The following RGS7 variants were observed in gnomAD, a reference collection of about 807,000 sequenced individuals.
RGS7 encodes regulator of G protein signaling 7.
A neutral mutation model predicts 81.1 loss-of-function variants in RGS7; 27 were observed. That is an observed-to-expected ratio of 0.33 (90% CI 0.25 to 0.46). RGS7 has a LOEUF of 0.46. Ranked by LOEUF, RGS7 falls within the 20% of genes least tolerant of loss-of-function variation. The pLI is 1.00. For missense variants in RGS7, 396 were observed against 607.4 expected (o/e 0.65, Z 3.66); for synonymous variants, 208 against 207.7 (o/e 1.00, Z -0.01).
chr1:240,853,038 T>A (rs965397754), intron 9 of RGS7, among the ~76,000 whole-genome samples: 47 of 152,234 alleles, frequency 3.1e-4, no homozygotes, highest in African/African-American at 1.1e-3. Context: ...ATTACATAAA[T>A]CTTTTCAAGT....
At chr1:241,196,948 A>AC (rs2073117664) in intron 2 of RGS7, among the ~76,000 whole-genome samples, 1 of 150,822 alleles carries the variant, frequency 6.6e-6, no homozygotes, top group African/African-American at 2.4e-5. Flanking sequence ...AGTACTGGGG[A>AC]GAAAGGGAAA....
chr1:240,994,952 A>C (rs1687047997), intron 3 of RGS7, among the ~76,000 whole-genome samples: 2 of 152,242 alleles, frequency 1.3e-5, no homozygotes, highest in Admixed American at 1.3e-4. Context: ...CTGAGATTAA[A>C]GGCATGAACC....
At chr1:240,981,628 T>C (rs1684935329) in intron 4 of RGS7, among the ~76,000 whole-genome samples, 1 of 152,156 alleles carries the variant, frequency 6.6e-6, no homozygotes, top group African/African-American at 2.4e-5. Context: ...TCCCTTCCTA[T>C]TAATTATCTC....
chr1:241,218,892 T>A (rs1182810498), intron 2 of RGS7, among the ~76,000 whole-genome samples: 1 of 152,092 alleles, frequency 6.6e-6, no homozygotes, highest in African/African-American at 2.4e-5. Context: ...TTAGAATGTT[T>A]AACAAGTTTT....
At chr1:240,825,572 C>T (rs996436438) in intron 10 of RGS7, among the ~76,000 whole-genome samples, 38 of 152,090 alleles carry the variant, frequency 2.5e-4, no homozygotes, top group African/African-American at 9.2e-4. Flanking sequence ...GGAGTGAGGC[C>T]CTGTCATTCT....
At chr1:241,000,100 T>C (rs1687910440) in intron 3 of RGS7, among the ~76,000 whole-genome samples, 1 of 152,108 alleles carries the variant, frequency 6.6e-6, no homozygotes, top group South Asian at 2.1e-4. Context: ...GTCTCGATGC[T>C]CCCTTAGGCT....
intron 2 of RGS7, among the ~76,000 whole-genome samples, chr1:241,234,879 T>C (rs1046078041): frequency 3.9e-5 from 6 of 152,290 alleles, no homozygotes; most frequent in Admixed American, 3.3e-4. Context: ...AAAAAAAGCT[T>C]TATGGAATAT....
At position 241,165,788 on chromosome 1, in the gene RGS7, A is replaced by AT. The variant is rs1486696515; in HGVS notation, c.79-67027_79-67026insA. On this transcript the variant is annotated intron_variant, in intron 2 of 18. Transcript: ENST00000440928. Reference sequence around the variant, plus strand: ...TAAAACTTAAAGTATAATAATAATAAAAAAAAAAAAAAACCAGCCCTGAAA... The same window carrying AT: ...TAAAACTTAAAGTATAATAATAATAATAAAAAAAAAAAAACCAGCCCTGAAA... 5.3e-5 allele frequency among the ~76,000 whole-genome samples: 8 copies of AT among 150,588 alleles called. No homozygotes were observed. In the East Asian group the frequency reaches 7.8e-4, roughly 15 times the overall value.
chr1:241,180,744 C>T (rs1042842009), intron 2 of RGS7, among the ~76,000 whole-genome samples: 1 of 152,224 alleles, frequency 6.6e-6, no homozygotes, highest in Non-Finnish European at 1.5e-5. Context: ...ACTCCTGACT[C>T]TGCTGTGAAT....
intron 2 of RGS7, 137 bp downstream of exon 2, chr1:241,355,562 C>T (rs1264854776): frequency 1.3e-6 from 1 of 794,704 alleles, no homozygotes; most frequent in Non-Finnish European, 2.2e-6. Context: ...ATCACTTTCA[C>T]GTATATAGTA....
intron 18 of RGS7, among the ~76,000 whole-genome samples, chr1:240,788,525 G>A: frequency 6.6e-6 from 1 of 152,188 alleles, no homozygotes; most frequent in East Asian, 1.9e-4. Flanking sequence ...GAAAACACTT[G>A]AATTGGATCC....
chr1:241,347,528 TAAATCC>T (rs2082975805), intron 2 of RGS7, among the ~76,000 whole-genome samples: 6 of 152,202 alleles, frequency 3.9e-5, no homozygotes, highest in Admixed American at 3.9e-4. Flanking sequence ...CTAAACACTT[TAAATCC>T]CTTTTACCCA....
chr1:241,233,886 T>C (rs554499142), intron 2 of RGS7, among the ~76,000 whole-genome samples: 1 of 151,968 alleles, frequency 6.6e-6, no homozygotes, highest in East Asian at 1.9e-4. Context: ...CGTATGAGGG[T>C]TCCCCTTTCT....
intron 2 of RGS7, among the ~76,000 whole-genome samples, chr1:241,189,823 T>G (rs954826308): frequency 6.6e-6 from 1 of 152,152 alleles, no homozygotes; most frequent in African/African-American, 2.4e-5. Context: ...GTCCAAAAAA[T>G]CAATTGGTCA....
At chr1:241,098,244 T>C (rs113156471) in intron 3 of RGS7, among the ~76,000 whole-genome samples, 4 of 152,304 alleles carry the variant, frequency 2.6e-5, no homozygotes, top group East Asian at 3.9e-4. Context: ...GTGACAGCGG[T>C]CTTGAGCGAG....
chr1:240,912,022 G>C (rs1282802377), intron 6 of RGS7, among the ~76,000 whole-genome samples: 1 of 151,190 alleles, frequency 6.6e-6, no homozygotes, highest in Non-Finnish European at 1.5e-5. Context: ...GAAGTGGCAG[G>C]GGCCTGTAGT....
intron 14 of RGS7, among the ~76,000 whole-genome samples, chr1:240,811,599 A>G (rs1164463019): frequency 6.6e-6 from 1 of 152,236 alleles, no homozygotes; most frequent in Non-Finnish European, 1.5e-5. Context: ...CATAAATGTT[A>G]TTGGCCAATC....
chr1:241,315,984 T>C (rs1558308459), intron 2 of RGS7, among the ~76,000 whole-genome samples: 1 of 152,236 alleles, frequency 6.6e-6, no homozygotes, highest in South Asian at 2.1e-4. Context: ...CATTTGTTGA[T>C]ATACTGAATC....
intron 2 of RGS7, among the ~76,000 whole-genome samples, chr1:241,152,458 TCATC>T (rs2068824418): frequency 6.6e-6 from 1 of 152,218 alleles, no homozygotes; most frequent in African/African-American, 2.4e-5. Context: ...ATTGGGAGCT[TCATC>T]AATAGCAATT....
Sources: gnomAD v4.1 joint callset for allele counts (sites outside exome capture counted in the v4.1 genomes callset) on GRCh38, gnomAD v4.1.1 for gene constraint, MANE v1.5 for transcripts, NCBI Gene and HGNC (gene_info 2026-07-23, HGNC 2026-07-21) for gene names.